ELOVL2: variants seen among roughly 807,000 people sequenced by gnomAD.
ELOVL2 encodes very long chain fatty acid elongase 2.
ELOVL2 carries 38 observed loss-of-function variants against 37.7 expected under a neutral mutation model. The observed-to-expected ratio is 1.01, with a 90% CI of 0.78 to 1.32. The LOEUF (loss-of-function observed/expected upper bound fraction) is 1.32, where lower values mean the gene tolerates loss of function less well. Among genes scored for constraint, ELOVL2 ranks in the 40% most tolerant of loss-of-function variants. The pLI, the probability that ELOVL2 is intolerant of heterozygous loss-of-function variation, is 0.00. For synonymous variants in ELOVL2, 115 were observed against 122.3 expected (o/e 0.94, Z 0.40); for missense variants, 352 against 363.6 (o/e 0.97, Z 0.26).
intron 1 of ELOVL2, among the ~76,000 whole-genome samples, chr6:11,020,028 G>A (rs1782740854): frequency 6.6e-6 from 1 of 152,206 alleles, no homozygotes; most frequent in Non-Finnish European, 1.5e-5. Flanking sequence ...ACAGGCGTGA[G>A]CCACCAGGCC....
At chr6:11,007,545 G>A (rs1339691537) in intron 2 of ELOVL2, among the ~76,000 whole-genome samples, 4 of 152,184 alleles carry the variant, frequency 2.6e-5, no homozygotes, top group Non-Finnish European at 5.9e-5. Context: ...AGGGAACAAG[G>A]CTCTGCTGAC....
At chr6:11,009,227 C>G (rs1782529588) in intron 2 of ELOVL2, among the ~76,000 whole-genome samples, 1 of 152,154 alleles carries the variant, frequency 6.6e-6, no homozygotes, top group Non-Finnish European at 1.5e-5. Flanking sequence ...TGATGAGGGA[C>G]CACAGCAGAC....
At chr6:11,035,265 A>C (rs1782989708) in intron 1 of ELOVL2, among the ~76,000 whole-genome samples, 1 of 152,150 alleles carries the variant, frequency 6.6e-6, no homozygotes, top group Non-Finnish European at 1.5e-5. Context: ...ATTTTGCTAG[A>C]AGTTCTTCCC....
At chr6:11,030,138 T>C (rs1782899973) in intron 1 of ELOVL2, among the ~76,000 whole-genome samples, 1 of 152,248 alleles carries the variant, frequency 6.6e-6, no homozygotes, top group African/African-American at 2.4e-5. Flanking sequence ...CTTTCACTGA[T>C]GGTAAGAATG....
At chr6:11,034,758 T>C (rs1782982897) in intron 1 of ELOVL2, among the ~76,000 whole-genome samples, 1 of 151,806 alleles carries the variant, frequency 6.6e-6, no homozygotes, top group African/African-American at 2.4e-5. Flanking sequence ...ATCCCAGCAC[T>C]TTGGGAGGCC....
Position 10,983,654 on chromosome 6 carries a change from G to A in ELOVL2, c.*127C>T. ...AATAGCAATATATTAATACATTCTG[G>A]GTACAAATGATTTATGAACTCAAAA... is the stretch of plus-strand genomic sequence containing the variant. On this transcript the variant is annotated 3_prime_UTR_variant, in exon 8 of 8. Coordinates refer to ENST00000354666, the MANE Select transcript of ELOVL2 (RefSeq NM_017770.4). The A allele has an allele frequency of 2.0e-6, 2 of 1,024,334 alleles. No individual in the cohort carries two copies. Among genetic ancestry groups the A allele is most frequent in the South Asian group, 3.6e-5 (2 of 56,076 alleles). 63.5% of individuals were successfully genotyped at this position (1,024,334 alleles called of 1,614,324 possible).
Position 11,007,732 on chromosome 6 carries a change from A to G in ELOVL2, c.68-2173T>C, listed in dbSNP as rs114314238. On this transcript the variant is annotated intron_variant, in intron 2 of 7. Coordinates refer to ENST00000354666, the MANE Select transcript of ELOVL2 (RefSeq NM_017770.4). ...GGCTTTACCTCCCCAACTATAGTAC[A>G]TGCTCCAGGAGACAGCCACTAGGTC... Among the ~76,000 whole-genome samples, 892 of 152,286 alleles carry G rather than the reference A, an allele frequency of 5.9e-3. 7 individuals are homozygous for G. Among genetic ancestry groups the G allele is most frequent in the African/African-American group, 0.019 (796 of 41,564 alleles).
chr6:11,013,005 T>G (rs556680500), intron 1 of ELOVL2, among the ~76,000 whole-genome samples: 5 of 152,210 alleles, frequency 3.3e-5, no homozygotes, highest in African/African-American at 1.2e-4. Flanking sequence ...TTGGAAGAGA[T>G]AATGCTGTGG....
chr6:11,030,589 T>G (rs1782915894), intron 1 of ELOVL2, among the ~76,000 whole-genome samples: 1 of 152,116 alleles, frequency 6.6e-6, no homozygotes, highest in Non-Finnish European at 1.5e-5. Flanking sequence ...CCTCCTGGGT[T>G]CATGCCATTC....
chr6:10,990,676 C>CCCA, intron 5 of ELOVL2, among the ~76,000 whole-genome samples: 1 of 151,834 alleles, frequency 6.6e-6, no homozygotes, highest in African/African-American at 2.4e-5. Flanking sequence ...TGCCCCCCCC[C>CCCA]CGCCACACAG....
intron 1 of ELOVL2, among the ~76,000 whole-genome samples, chr6:11,043,257 G>T (rs1462088928): frequency 6.6e-6 from 1 of 152,148 alleles, no homozygotes; most frequent in African/African-American, 2.4e-5. Context: ...GGCAAACACT[G>T]AATATGGACC....
In ELOVL2 at chr6:10,980,903, C is replaced by T. The variant is rs1411943322; in HGVS notation, c.*2878G>A. On this transcript the variant is annotated 3_prime_UTR_variant, in exon 8 of 8. Transcript: ENST00000354666. ...TAATTACTTTCAAAGGAAAACAAAG[C>T]GATATCCATATTTTCCAAACAAGGA... 6.6e-6 allele frequency: 1 copy of T among 152,472 alleles called. No homozygotes were observed. Among genetic ancestry groups the T allele is most frequent in the Non-Finnish European group, 1.5e-5 (1 of 68,018 alleles). 9.4% of individuals were successfully genotyped at this position (152,472 alleles called of 1,614,324 possible). A position where few individuals can be genotyped will look rare whatever the true frequency, so the allele number is the denominator to read the frequency against.
intron 1 of ELOVL2, among the ~76,000 whole-genome samples, chr6:11,023,113 C>A (rs1459260543): frequency 6.6e-6 from 1 of 152,210 alleles, no homozygotes; most frequent in African/African-American, 2.4e-5. Context: ...ATGATTATTA[C>A]AACTACTTCT....
chr6:10,997,720 A>ATACT (rs1460578338), intron 4 of ELOVL2, among the ~76,000 whole-genome samples: 1 of 152,214 alleles, frequency 6.6e-6, no homozygotes, highest in South Asian at 2.1e-4. Context: ...TTTGGTACGA[A>ATACT]TACTTCAGAG....
At chr6:10,998,902 A>G (rs1040298397) in intron 4 of ELOVL2, among the ~76,000 whole-genome samples, 1 of 152,190 alleles carries the variant, frequency 6.6e-6, no homozygotes, top group African/African-American at 2.4e-5. Context: ...GATATTTCCA[A>G]TTTGAATCTA....
At chr6:10,990,979 A>T (rs1330079036) in intron 5 of ELOVL2, among the ~76,000 whole-genome samples, 1 of 152,216 alleles carries the variant, frequency 6.6e-6, no homozygotes, top group African/African-American at 2.4e-5. Context: ...AAGGAGACAG[A>T]GAAGGCTGGA....
chr6:11,020,290 CCT>C (rs1402880009), intron 1 of ELOVL2, among the ~76,000 whole-genome samples: 2 of 151,946 alleles, frequency 1.3e-5, no homozygotes, highest in Admixed American at 6.6e-5. Flanking sequence ...AAAGTATGAC[CCT>C]GTTTGAGAAA....
At chr6:11,016,121 CTTCCT>C (rs1031143074) in intron 1 of ELOVL2, among the ~76,000 whole-genome samples, 3 of 151,962 alleles carry the variant, frequency 2.0e-5, no homozygotes, top group African/African-American at 7.3e-5. Context: ...TCTTTCTTCT[CTTCCT>C]TTAATTTCCT....
intron 7 of ELOVL2, 85 bp from the exon 8 acceptor site, chr6:10,983,991 G>C (rs1048383848): frequency 1.1e-5 from 14 of 1,243,238 alleles, no homozygotes; most frequent in Non-Finnish European, 1.5e-5. Flanking sequence ...AGTTAAAACA[G>C]TATGTGATTT....
Sources: gnomAD v4.1 joint callset for allele counts (sites outside exome capture counted in the v4.1 genomes callset) on GRCh38, gnomAD v4.1.1 for gene constraint, MANE v1.5 for transcripts, NCBI Gene and HGNC (gene_info 2026-07-23, HGNC 2026-07-21) for gene names.